The following UNC5D variants were observed in gnomAD, a reference collection of about 807,000 sequenced individuals.
UNC5D encodes the protein netrin receptor UNC5D.
UNC5D carries 39 observed loss-of-function variants against 105.4 expected under a neutral mutation model. The observed-to-expected ratio is 0.37, with a 90% CI of 0.29 to 0.48. The LOEUF (loss-of-function observed/expected upper bound fraction) is 0.48. Ranked by LOEUF, UNC5D falls within the 20% of genes least tolerant of loss-of-function variation. The probability of loss-of-function intolerance (pLI) is 0.98; values close to 1 mark genes in which losing one functional copy is unlikely to be tolerated. For missense variants in UNC5D, 991 were observed against 1,202.4 expected (o/e 0.82, Z 2.60); for synonymous variants, 452 against 450.4 (o/e 1.00, Z -0.04).
At chr8:35,725,766 T>G (rs566723063) in intron 9 of UNC5D, among the ~76,000 whole-genome samples, 2 of 152,332 alleles carry the variant, frequency 1.3e-5, no homozygotes, top group Non-Finnish European at 2.9e-5. Context: ...GCTCAAAACT[T>G]GACTGCAAAA....
chr8:35,260,013 G>T (rs1804364745), intron 1 of UNC5D, among the ~76,000 whole-genome samples: 1 of 152,008 alleles, frequency 6.6e-6, no homozygotes, highest in Admixed American at 6.6e-5. Flanking sequence ...TGTCTCTGAA[G>T]ATTTTAATTG....
chr8:35,594,542 A>G (rs975593362), intron 3 of UNC5D, among the ~76,000 whole-genome samples: 4 of 152,174 alleles, frequency 2.6e-5, no homozygotes, highest in African/African-American at 9.7e-5. Flanking sequence ...AGACTTGTAA[A>G]CAACCTGTCT....
chr8:35,505,512 G>A (rs760156449), intron 1 of UNC5D, among the ~76,000 whole-genome samples: 1 of 152,200 alleles, frequency 6.6e-6, no homozygotes, highest in Non-Finnish European at 1.5e-5. Flanking sequence ...GGCCAGGTCT[G>A]TGGTAAGGGT....
intron 1 of UNC5D, among the ~76,000 whole-genome samples, chr8:35,264,182 A>G (rs1017788389): frequency 6.6e-6 from 1 of 152,220 alleles, no homozygotes; most frequent in Non-Finnish European, 1.5e-5. Flanking sequence ...GACTAAATTT[A>G]CAGCAAAAAT....
chr8:35,622,257 G>A (rs1003660469), intron 4 of UNC5D, among the ~76,000 whole-genome samples: 1 of 152,100 alleles, frequency 6.6e-6, no homozygotes. Context: ...CAGGAGAATC[G>A]CTTGAACCTG....
At chr8:35,449,528 C>T (rs1808010712) in intron 1 of UNC5D, among the ~76,000 whole-genome samples, 1 of 152,156 alleles carries the variant, frequency 6.6e-6, no homozygotes, top group Non-Finnish European at 1.5e-5. Flanking sequence ...TATCGAGCAT[C>T]TGCTGTTCAA....
chr8:35,583,334 CAGAG>C (rs1220120412), intron 3 of UNC5D, among the ~76,000 whole-genome samples: 2 of 152,044 alleles, frequency 1.3e-5, no homozygotes, highest in East Asian at 3.9e-4. Context: ...ACTTGGGTGA[CAGAG>C]AGAGACCCAA....
At chr8:35,244,850 CA>C (rs1304032222) in intron 1 of UNC5D, among the ~76,000 whole-genome samples, 1 of 151,446 alleles carries the variant, frequency 6.6e-6, no homozygotes, top group Admixed American at 6.6e-5. Flanking sequence ...CTTCTCTGCA[CA>C]TTTTTTTTTT....
intron 1 of UNC5D, among the ~76,000 whole-genome samples, chr8:35,306,862 C>A (rs1808459969): frequency 6.6e-6 from 1 of 152,112 alleles, no homozygotes; most frequent in African/African-American, 2.4e-5. Context: ...TTTGATCCAT[C>A]ATTGATAGAT....
At chr8:35,290,964 A>G (rs1807021439) in intron 1 of UNC5D, among the ~76,000 whole-genome samples, 2 of 152,022 alleles carry the variant, frequency 1.3e-5, no homozygotes, top group East Asian at 3.9e-4. Context: ...AAAAAAAAAA[A>G]AGAGGTGTGA....
At chr8:35,356,155 C>T (rs991493612) in intron 1 of UNC5D, among the ~76,000 whole-genome samples, 1 of 152,158 alleles carries the variant, frequency 6.6e-6, no homozygotes, top group Non-Finnish European at 1.5e-5. Flanking sequence ...GACACTTATT[C>T]TATCAGTATG....
At chr8:35,310,593 C>T (rs1249941178) in intron 1 of UNC5D, among the ~76,000 whole-genome samples, 1 of 152,000 alleles carries the variant, frequency 6.6e-6, no homozygotes, top group Non-Finnish European at 1.5e-5. Context: ...GCACTCCAGC[C>T]TGGGTGACTG....
intron 7 of UNC5D, among the ~76,000 whole-genome samples, chr8:35,695,783 G>A (rs899905437): frequency 1.3e-5 from 2 of 151,628 alleles, no homozygotes; most frequent in African/African-American, 4.8e-5. Flanking sequence ...CACCCAGGCT[G>A]GAATGCAGTG....
chr8:35,458,416 T>C (rs2129635289), intron 1 of UNC5D, among the ~76,000 whole-genome samples: 1 of 152,260 alleles, frequency 6.6e-6, no homozygotes, highest in South Asian at 2.1e-4. Flanking sequence ...GTAGTTGCAA[T>C]AGTGCTCCCA....
chr8:35,604,834 A>T (rs775773455), intron 4 of UNC5D, among the ~76,000 whole-genome samples: 12 of 152,112 alleles, frequency 7.9e-5, no homozygotes, highest in Non-Finnish European at 1.5e-4. Flanking sequence ...AGTTGATCGC[A>T]TCAGTTACTG....
chr8:35,578,144 G>T (rs1160777845), intron 3 of UNC5D, among the ~76,000 whole-genome samples: 1 of 146,960 alleles, frequency 6.8e-6, no homozygotes, highest in Non-Finnish European at 1.5e-5. Flanking sequence ...AGAATCGCTT[G>T]AACCCAGGAG....
chr8:35,676,472 G>A (rs1825230482), intron 4 of UNC5D, among the ~76,000 whole-genome samples: 1 of 152,182 alleles, frequency 6.6e-6, no homozygotes. Context: ...AGGAGGTCAT[G>A]TGCATAAGTG....
intron 1 of UNC5D, among the ~76,000 whole-genome samples, chr8:35,390,811 A>C (rs2128940569): frequency 6.6e-6 from 1 of 152,360 alleles, no homozygotes; most frequent in South Asian, 2.1e-4. Flanking sequence ...ATAATGGATT[A>C]TAACTCTTCT....
intron 1 of UNC5D, among the ~76,000 whole-genome samples, chr8:35,545,248 C>T (rs1175629356): frequency 6.6e-6 from 1 of 152,208 alleles, no homozygotes; most frequent in Non-Finnish European, 1.5e-5. Flanking sequence ...CACCCTGTCC[C>T]AAAGAATAGA....
Sources: allele counts gnomAD v4.1 joint callset (sites outside exome capture counted in the v4.1 genomes callset), GRCh38; gene constraint gnomAD v4.1.1; transcripts MANE v1.5; gene names NCBI Gene and HGNC (gene_info 2026-07-23, HGNC 2026-07-21).